GPR39: variants seen among roughly 807,000 people sequenced by gnomAD.
GPR39 encodes zinc sensing receptor.
A neutral mutation model predicts 18.4 loss-of-function variants in GPR39; 23 were observed. That is an observed-to-expected ratio of 1.25 (90% CI 0.90 to 1.77). The LOEUF is 1.77. GPR39 is among the 40% of genes most tolerant of loss of function. GPR39 has a pLI of 0.00. For missense variants in GPR39, 647 were observed against 602.4 expected (o/e 1.07, Z -0.78); for synonymous variants, 280 against 257.9 (o/e 1.09, Z -0.82).
intron 1 of GPR39, among the ~76,000 whole-genome samples, chr2:132,470,998 C>T (rs1431459659): frequency 6.6e-6 from 1 of 152,184 alleles, no homozygotes; most frequent in East Asian, 1.9e-4. Flanking sequence ...AATCCACTTT[C>T]TATCCACTGA....
chr2:132,426,626 G>T (rs1680122432), intron 1 of GPR39, among the ~76,000 whole-genome samples: 1 of 152,186 alleles, frequency 6.6e-6, no homozygotes, highest in Non-Finnish European at 1.5e-5. Context: ...AATGTCTTGG[G>T]CTAACAGACT....
chr2:132,509,481 C>T (rs1216988687), intron 1 of GPR39, among the ~76,000 whole-genome samples: 3 of 151,710 alleles, frequency 2.0e-5, no homozygotes, highest in South Asian at 2.1e-4. Flanking sequence ...CCTCACTCTC[C>T]GGTTGCTCCT....
chr2:132,522,199 T>G lies in GPR39; in HGVS notation c.856+104301T>G, dbSNP rs192407652. ...ATAAATGATCAGCACACACATCCCC[T>G]TCTTGAGGGGAGATGCCCTCTCTGG... On this transcript the variant is annotated intron_variant, in intron 1 of 1. Coordinates refer to ENST00000329321, the MANE Select transcript of GPR39 (RefSeq NM_001508.3). 1.4e-3 allele frequency among the ~76,000 whole-genome samples: 207 copies of G among 152,290 alleles called. 1 individual carries two copies. The highest frequency in any genetic ancestry group is 6.2e-4 in the Non-Finnish European group (42 of 68,024).
At chr2:132,457,671 TCAGACAGGGACGTTTAAGTCTG>T (rs1236362083) in intron 1 of GPR39, among the ~76,000 whole-genome samples, 1 of 152,260 alleles carries the variant, frequency 6.6e-6, no homozygotes, top group African/African-American at 2.4e-5. Flanking sequence ...TTCAGAGCTG[TCAGACAGGGACGTTTAAGTCTG>T]CAGAAGTTGT....
intron 1 of GPR39, among the ~76,000 whole-genome samples, chr2:132,584,564 C>T (rs1232773340): frequency 6.6e-6 from 1 of 151,974 alleles, no homozygotes; most frequent in African/African-American, 2.4e-5. Context: ...TGTACCCACC[C>T]TGAGTCCCCA....
At chr2:132,458,411 G>A (rs1168937557) in intron 1 of GPR39, among the ~76,000 whole-genome samples, 8 of 142,766 alleles carry the variant, frequency 5.6e-5, no homozygotes, top group Non-Finnish European at 3.0e-5. Context: ...TTTTCCATGA[G>A]CTCATATATA....
chr2:132,634,297 C>T (rs768787943), intron 1 of GPR39, among the ~76,000 whole-genome samples: 4 of 152,148 alleles, frequency 2.6e-5, no homozygotes, highest in Non-Finnish European at 5.9e-5. Flanking sequence ...CTTTGATCCT[C>T]CTGGCAGCTA....
At chr2:132,534,268 G>A (rs937306466) in intron 1 of GPR39, among the ~76,000 whole-genome samples, 2 of 151,732 alleles carry the variant, frequency 1.3e-5, no homozygotes, top group Non-Finnish European at 2.9e-5. Context: ...TCAGAGAAAT[G>A]CAAATCAAAA....
chr2:132,566,341 T>C (rs1038515746), intron 1 of GPR39, among the ~76,000 whole-genome samples: 9 of 150,504 alleles, frequency 6.0e-5, no homozygotes, highest in Non-Finnish European at 8.9e-5. Flanking sequence ...TTTTCTCCCA[T>C]GTTGTAGGTT....
At chr2:132,621,471 A>C (rs1681440121) in intron 1 of GPR39, among the ~76,000 whole-genome samples, 1 of 152,158 alleles carries the variant, frequency 6.6e-6, no homozygotes, top group Non-Finnish European at 1.5e-5. Context: ...GTACTGCTTT[A>C]TTCTGTTTTC....
intron 1 of GPR39, among the ~76,000 whole-genome samples, chr2:132,427,131 C>CATATATATATATATATATAT (rs199931479): frequency 1.2e-5 from 1 of 80,774 alleles, no homozygotes; most frequent in African/African-American, 5.6e-5. Context: ...TATATAGGTA[C>CATATATATATATATATATAT]ATATATATAT....
chr2:132,619,852 CACACAG>C (rs148426776), intron 1 of GPR39, among the ~76,000 whole-genome samples: 21,189 of 135,358 alleles, frequency 0.16, 1,473 homozygotes, highest in African/African-American at 0.21. Flanking sequence ...CACACACACA[CACACAG>C]ACACACACAC....
chr2:132,493,326 TACC>T (rs1403420208), intron 1 of GPR39, among the ~76,000 whole-genome samples: 1 of 145,110 alleles, frequency 6.9e-6, no homozygotes, highest in African/African-American at 2.5e-5. Context: ...TATATACACA[TACC>T]ATATATACCA....
At chr2:132,519,047 G>A in intron 1 of GPR39, among the ~76,000 whole-genome samples, 1 of 152,164 alleles carries the variant, frequency 6.6e-6, no homozygotes, top group East Asian at 1.9e-4. Flanking sequence ...ACAGGCTTTG[G>A]TTGCTCAATG....
intron 1 of GPR39, chr2:132,604,534 G>A (rs1681100018): frequency 6.6e-6 from 1 of 152,218 alleles, no homozygotes. Flanking sequence ...GGGTACTGCA[G>A]ACAAAAAGAC....
chr2:132,532,864 C>G (rs539955029), intron 1 of GPR39, among the ~76,000 whole-genome samples: 2 of 152,278 alleles, frequency 1.3e-5, no homozygotes, highest in African/African-American at 4.8e-5. Flanking sequence ...TAAGAGCTAT[C>G]TATGACAAAC....
chr2:132,577,316 C>G (rs1037729385), intron 1 of GPR39, among the ~76,000 whole-genome samples: 39 of 151,906 alleles, frequency 2.6e-4, no homozygotes, highest in African/African-American at 9.2e-4. Flanking sequence ...AAGATTGTGC[C>G]ATTGCACTCC....
chr2:132,544,526 T>C (rs562307202), intron 1 of GPR39, among the ~76,000 whole-genome samples: 9 of 152,170 alleles, frequency 5.9e-5, no homozygotes, highest in Non-Finnish European at 1.2e-4. Flanking sequence ...CAGATGTCCA[T>C]GCCCCTGCCC....
At chr2:132,628,518 C>T (rs1681591937) in intron 1 of GPR39, among the ~76,000 whole-genome samples, 1 of 152,210 alleles carries the variant, frequency 6.6e-6, no homozygotes, top group Non-Finnish European at 1.5e-5. Context: ...GTCCTTTGCC[C>T]TCCTGCCCTA....
Sources: allele counts gnomAD v4.1 joint callset (sites outside exome capture counted in the v4.1 genomes callset), GRCh38; gene constraint gnomAD v4.1.1; transcripts MANE v1.5; gene names NCBI Gene and HGNC (gene_info 2026-07-23, HGNC 2026-07-21).